MFSD11: variants seen among roughly 807,000 people sequenced by gnomAD.
MFSD11 encodes the protein major facilitator superfamily domain containing 11, also known as UNC93-like protein MFSD11.
Under a neutral mutation model 53.5 loss-of-function variants are expected in MFSD11, and 36 were observed. That is an observed-to-expected ratio of 0.67 (90% CI 0.52 to 0.89). The LOEUF (loss-of-function observed/expected upper bound fraction) is 0.89. Ranked by LOEUF, MFSD11 falls within the 40% of genes least tolerant of loss-of-function variation. MFSD11 has a pLI of 0.00. For synonymous variants in MFSD11, 186 were observed against 184.9 expected (o/e 1.01, Z -0.05); for missense variants, 530 against 543.9 (o/e 0.97, Z 0.25).
At chr17:76,789,579 C>G in the MFSD11 span, among the ~76,000 whole-genome samples, 1 of 150,018 alleles carries the variant, frequency 6.7e-6, no homozygotes, top group South Asian at 2.2e-4. Flanking sequence ...TACTGGGAGA[C>G]TGCAGGTCCC....
the MFSD11 span, among the ~76,000 whole-genome samples, chr17:76,794,356 A>G: frequency 6.6e-6 from 1 of 150,968 alleles, no homozygotes; most frequent in Non-Finnish European, 1.5e-5. Context: ...GCGCACCTGT[A>G]ATCCCAGCCA....
In MFSD11 at chr17:76,743,381, C is replaced by G. The variant is rs776224931; in HGVS notation, c.438-17C>G. Reference sequence around the variant, plus strand: ...AAATAATTACCCAACATCCTATCCTCCCTTTTCTTCCCCCAGCTTGTTCTT... The same window carrying G: ...AAATAATTACCCAACATCCTATCCTGCCTTTTCTTCCCCCAGCTTGTTCTT... On this transcript the variant is annotated splice_polypyrimidine_tract_variant and intron_variant, in intron 5 of 12. Coordinates refer to ENST00000685175, the MANE Select transcript of MFSD11 (RefSeq NM_001242532.5). The G allele has an allele frequency of 1.3e-4, 205 of 1,531,340 alleles. 2 individuals are homozygous for G. The Middle Eastern group carries it at 1.5e-3, about 11-fold the overall frequency. The allele number at this position is 1,531,340 out of a possible 1,614,324, so 94.9% of individuals were successfully genotyped here.
At chr17:76,797,172 TA>T in the MFSD11 span, among the ~76,000 whole-genome samples, 30 of 151,564 alleles carry the variant, frequency 2.0e-4, no homozygotes, top group African/African-American at 7.3e-4. Flanking sequence ...CTTCCTCAAT[TA>T]AAAAAGAAAA....
At chr17:76,758,574 C>A (rs1598633476) in intron 8 of MFSD11, among the ~76,000 whole-genome samples, 2 of 102,904 alleles carry the variant, frequency 1.9e-5, no homozygotes, top group African/African-American at 4.8e-5. Context: ...AGAGCGAGAC[C>A]AGGTCTCAAA....
downstream of MFSD11, among the ~76,000 whole-genome samples, chr17:76,783,916 A>AT (rs959271597): frequency 2.1e-4 from 31 of 150,550 alleles, no homozygotes; most frequent in Non-Finnish European, 4.0e-4. Flanking sequence ...ATTAATAGTC[A>AT]TTTTTTTTGG....
chr17:76,760,471 ATGT>A (rs1037935883), intron 8 of MFSD11, among the ~76,000 whole-genome samples: 10 of 151,790 alleles, frequency 6.6e-5, no homozygotes, highest in African/African-American at 2.2e-4. Context: ...GTTCAAACCC[ATGT>A]TGTTCAAGGG....
At chr17:76,780,522 T>G (rs868135083), downstream of MFSD11, among the ~76,000 whole-genome samples, 2 of 151,412 alleles carry the variant, frequency 1.3e-5, no homozygotes, top group Non-Finnish European at 2.9e-5. Flanking sequence ...TATGTGTTTT[T>G]TTTTTTTTTT....
In MFSD11 at chr17:76,778,247, C is replaced by G; in HGVS notation, c.1245C>G (p.Leu415=). ...YSNYLLLHWQ[L]LVMVIFGFFG... ...ACTACCTTCTCCTTCACTGGCAACT[C>G]CTGGTCATGGTGATATTTGGGTTTT... The change falls in exon 13 of 13, where the codon CTC becomes CTG. Residue 415 remains leucine (L), a synonymous_variant. Coordinates refer to ENST00000685175, the MANE Select transcript of MFSD11 (RefSeq NM_001242532.5). 1 of 1,614,148 alleles carries G rather than the reference C, an allele frequency of 6.2e-7. No individual in the cohort carries two copies. The highest frequency in any genetic ancestry group is 8.5e-7 in the Non-Finnish European group (1 of 1,180,012).
intron 10 of MFSD11, chr17:76,772,955 T>C (rs1598757135): frequency 1.3e-5 from 2 of 152,282 alleles, no homozygotes; most frequent in African/African-American, 4.8e-5. Context: ...GGGAAGACCC[T>C]TCTGTGTGCT....
At chr17:76,765,543 G>A (rs752604277) in intron 8 of MFSD11, among the ~76,000 whole-genome samples, 55 of 138,744 alleles carry the variant, frequency 4.0e-4, no homozygotes, top group Middle Eastern at 3.5e-3. Context: ...GCTCACTGCA[G>A]CCTCAACCTC....
chr17:76,744,555 A>AT, intron 7 of MFSD11, 89 bp downstream of exon 7: 1 of 1,161,040 alleles, frequency 8.6e-7, no homozygotes, highest in East Asian at 2.6e-5. Flanking sequence ...GCCCTAACTG[A>AT]TGTCCAGTAC....
chr17:76,766,814 A>T (rs924194916), intron 8 of MFSD11, among the ~76,000 whole-genome samples: 2 of 152,260 alleles, frequency 1.3e-5, no homozygotes, highest in African/African-American at 4.8e-5. Context: ...TTAGAAATGC[A>T]TTATCCATTG....
the MFSD11 span, among the ~76,000 whole-genome samples, chr17:76,787,133 C>CT: frequency 8.4e-3 from 962 of 114,946 alleles, 10 homozygotes; most frequent in African/African-American, 0.014. Flanking sequence ...TGAGTGATTT[C>CT]TTTTTTTTTT....
intron 7 of MFSD11, among the ~76,000 whole-genome samples, chr17:76,749,967 G>T (rs1475127529): frequency 6.6e-6 from 1 of 151,896 alleles, no homozygotes; most frequent in Non-Finnish European, 1.5e-5. Context: ...TGCAGTTACA[G>T]AGTTGGGAAG....
intron 8 of MFSD11, among the ~76,000 whole-genome samples, chr17:76,759,099 A>C (rs75522336): frequency 0.049 from 7,473 of 152,044 alleles, 282 homozygotes; most frequent in South Asian, 0.17. Flanking sequence ...TAAAAAAATA[A>C]AATAAAAATT....
At chr17:76,739,065 A>G (rs2077787298) in intron 2 of MFSD11, 72 bp downstream of exon 2, 1 of 1,162,480 alleles carries the variant, frequency 8.6e-7, no homozygotes, top group African/African-American at 1.5e-5. Flanking sequence ...AATCACCAGC[A>G]ATAGAATATT....
At position 76,743,455 on chromosome 17, in the gene MFSD11, A is replaced by C; in HGVS notation, c.495A>C (p.Ser165=). 4 of 1,569,860 alleles carry C rather than the reference A, an allele frequency of 2.5e-6. No homozygotes were observed. The highest frequency in any genetic ancestry group is 1.7e-6 in the Non-Finnish European group (2 of 1,160,014). ...YFAWQGKTQI[S]ESDRRTVFIA... ...CCTGGCAAGGGAAAACTCAGATATCAGGTTTGTTTTATTCGCGTTGCTTTA... is the reference window on the plus strand; with the variant it reads ...CCTGGCAAGGGAAAACTCAGATATCCGGTTTGTTTTATTCGCGTTGCTTTA... Residue 165 remains serine, a splice_region_variant and synonymous_variant, in exon 6 of 13, where the codon TCA becomes TCC. Coordinates refer to ENST00000685175, the MANE Select transcript of MFSD11 (RefSeq NM_001242532.5).
chr17:76,801,842 G>C, the MFSD11 span, among the ~76,000 whole-genome samples: 1 of 152,084 alleles, frequency 6.6e-6, no homozygotes, highest in Non-Finnish European at 1.5e-5. Context: ...CTTGTATCTT[G>C]TGATACCAGT....
At chr17:76,762,750 C>A (rs1206710492) in intron 8 of MFSD11, among the ~76,000 whole-genome samples, 1 of 151,502 alleles carries the variant, frequency 6.6e-6, no homozygotes, top group Non-Finnish European at 1.5e-5. Flanking sequence ...GTCAACACCA[C>A]TAGAGGGTAA....
Sources: gnomAD v4.1 joint callset for allele counts (sites outside exome capture counted in the v4.1 genomes callset) on GRCh38, gnomAD v4.1.1 for gene constraint, MANE v1.5 for transcripts, NCBI Gene and HGNC (gene_info 2026-07-23, HGNC 2026-07-21) for gene names.